MASP1: variants seen among roughly 807,000 people sequenced by gnomAD.
The protein encoded by MASP1 is MBL associated serine protease 1.
A neutral mutation model predicts 77.1 loss-of-function variants in MASP1; 59 were observed. The ratio of observed to expected loss-of-function variants is 0.77; its 90% confidence interval spans 0.62 to 0.95. The LOEUF (loss-of-function observed/expected upper bound fraction) is 0.95. Among genes scored for constraint, MASP1 ranks in the 40% least tolerant of loss-of-function variants. MASP1 has a pLI of 0.00. For missense variants in MASP1, 885 were observed against 912.9 expected, an observed-to-expected ratio of 0.97 and a Z score of 0.39; for synonymous variants, 362 against 354.5, an observed-to-expected ratio of 1.02 and a Z score of -0.24.
At chr3:187,273,440 A>G (rs1351091504) in intron 2 of MASP1, among the ~76,000 whole-genome samples, 1 of 152,206 alleles carries the variant, frequency 6.6e-6, no homozygotes, top group African/African-American at 2.4e-5. Flanking sequence ...TTCTGTCCAC[A>G]AGAAGATGGC....
intron 10 of MASP1, among the ~76,000 whole-genome samples, chr3:187,239,428 G>T (rs921066930): frequency 2.0e-5 from 3 of 152,192 alleles, no homozygotes; most frequent in African/African-American, 7.2e-5. Flanking sequence ...CAGACCCAGA[G>T]ATATGAAAAT....
At chr3:187,268,379 CT>C (rs1267906165) in intron 2 of MASP1, among the ~76,000 whole-genome samples, 1 of 151,730 alleles carries the variant, frequency 6.6e-6, no homozygotes, top group Non-Finnish European at 1.5e-5. Flanking sequence ...CCCAGCTACC[CT>C]GGAGGCTGGG....
chr3:187,281,817 TTGGAGAGGGATG>T (rs1039555460), intron 2 of MASP1, among the ~76,000 whole-genome samples: 9 of 152,152 alleles, frequency 5.9e-5, no homozygotes, highest in African/African-American at 2.2e-4. Context: ...AAACAGAATT[TTGGAGAGGGATG>T]TGGATTTACC....
chr3:187,224,405 GGCGGGA>G (rs1249837738), intron 13 of MASP1, among the ~76,000 whole-genome samples: 4 of 144,334 alleles, frequency 2.8e-5, no homozygotes, highest in African/African-American at 7.8e-5. Flanking sequence ...GGAGTGCAGT[GGCGGGA>G]TCTCGGCTCA....
At chr3:187,226,566 T>A in intron 11 of MASP1, 1 of 1,336,022 alleles carries the variant, frequency 7.5e-7, no homozygotes, top group Non-Finnish European at 1.1e-6. Context: ...TACTGGGTCT[T>A]GCCTCCCTCT....
intron 4 of MASP1, among the ~76,000 whole-genome samples, chr3:187,257,381 AT>A (rs2108553630): frequency 1.3e-5 from 2 of 151,980 alleles, no homozygotes; most frequent in East Asian, 3.9e-4. Context: ...ATTTTATTTT[AT>A]TTTATTGAGA....
chr3:187,224,341 T>C (rs1024836602), intron 13 of MASP1, among the ~76,000 whole-genome samples: 1 of 92,550 alleles, frequency 1.1e-5, no homozygotes, highest in Admixed American at 1.1e-4. Flanking sequence ...GTGCTGAGTA[T>C]TTTTTTTTTT....
At chr3:187,220,471 T>C (rs1248615295) in intron 15 of MASP1, among the ~76,000 whole-genome samples, 1 of 151,436 alleles carries the variant, frequency 6.6e-6, no homozygotes, top group East Asian at 1.9e-4. Flanking sequence ...CTTTCTTTCT[T>C]TTCTTTTCTT....
At position 187,236,002 on chromosome 3, in the gene MASP1, G is replaced by A. The variant is rs775726494; in HGVS notation, c.1869C>T (p.Pro623=). The stretch of plus-strand genomic sequence containing the variant: ...TTTTGCACTCAGCGTGAGGCACCAC[G>A]GGTAACTTGACATACTGCAGGACAT... The part of the protein sequence containing the change: ...LSDVLQYVKL[P]VVPHAECKTS... Residue 623 remains proline, a synonymous_variant, in exon 11 of 11, where the codon CCC becomes CCT. Transcript: ENST00000296280. 197 of 1,614,092 alleles carry A rather than the reference G, an allele frequency of 1.2e-4. No homozygotes were observed. Among genetic ancestry groups the A allele is most frequent in the Non-Finnish European group, 1.6e-4 (185 of 1,180,054 alleles).
chr3:187,239,307 C>T (rs534627482), intron 10 of MASP1, among the ~76,000 whole-genome samples: 9 of 152,090 alleles, frequency 5.9e-5, no homozygotes, highest in South Asian at 2.1e-4. Context: ...GAGCTGAGAT[C>T]GCACCATTGC....
At position 187,234,427 on chromosome 3, in the gene MASP1, G is replaced by C; in HGVS notation, c.*1257C>G. ...CTCCAGCTAGAAGGAACCTGCAGGG[G>C]ACCTTATGCCAGCCTGTTGCTGACG... On this transcript the variant is annotated 3_prime_UTR_variant, in exon 11 of 11. Transcript: ENST00000296280. The C allele has an allele frequency of 7.8e-7, 1 of 1,285,970 alleles. No individual in the cohort carries two copies. The highest frequency in any genetic ancestry group is 3.3e-4 in the Middle Eastern group (1 of 3,060). 79.7% of individuals were successfully genotyped at this position (1,285,970 alleles called of 1,614,324 possible).
intron 2 of MASP1, among the ~76,000 whole-genome samples, chr3:187,279,321 A>G (rs1328272101): frequency 6.6e-6 from 1 of 152,236 alleles, no homozygotes; most frequent in African/African-American, 2.4e-5. Context: ...CCTACCCACA[A>G]GGCCACCTCT....
rs1713002665 is a variant in MASP1 at position 187,234,783 on chromosome 3, A to G, written c.*901T>C. The G allele has an allele frequency of 1.6e-6, 2 of 1,287,122 alleles. No individual in the cohort carries two copies. Among genetic ancestry groups the G allele is most frequent in the Non-Finnish European group, 2.0e-6 (2 of 988,700 alleles). 79.7% of individuals were successfully genotyped at this position (1,287,122 alleles called of 1,614,324 possible). On this transcript the variant is annotated 3_prime_UTR_variant, in exon 11 of 11. Transcript: ENST00000296280. The stretch of plus-strand genomic sequence containing the variant: ...GGTCTTTTCTTTTTCCAGGTAATCG[A>G]CTAAGTCCCCATATTCGGGCCTGGG...
At chr3:187,230,706 A>T (rs1420249520), downstream of MASP1, among the ~76,000 whole-genome samples, 1 of 152,196 alleles carries the variant, frequency 6.6e-6, no homozygotes, top group East Asian at 1.9e-4. Context: ...TTTACAACTG[A>T]ATAGCCCTCG....
At chr3:187,268,997 G>A (rs868185372) in intron 2 of MASP1, among the ~76,000 whole-genome samples, 12 of 151,694 alleles carry the variant, frequency 7.9e-5, no homozygotes, top group South Asian at 2.1e-4. Flanking sequence ...CCTGGGAGGC[G>A]GAGGTTGCAG....
chr3:187,253,314 A>T lies in MASP1; in HGVS notation c.746T>A (p.Ile249Asn). Reference protein sequence around the residue: ...EVPCPYDYIKIKVGPKVLGPF... With the variant: ...EVPCPYDYIKNKVGPKVLGPF... ...CCCCAAAACTTTTGGACCAACTTTGATCTGCAAAATATGAGAGAGAGAGAG... is the reference window on the plus strand; with the variant it reads ...CCCCAAAACTTTTGGACCAACTTTGTTCTGCAAAATATGAGAGAGAGAGAG... The change falls in exon 6 of 11, where the codon ATC becomes AAC. Residue 249 changes from isoleucine to asparagine, a missense_variant and splice_region_variant. By Grantham distance (149) the Ile-to-Asn change is moderately radical (BLOSUM62 -3). Transcript: ENST00000296280. 6.2e-7 allele frequency: 1 copy of T among 1,614,048 alleles called. No individual in the cohort carries two copies.
chr3:187,290,314 A>G (rs1718206429), intron 1 of MASP1, among the ~76,000 whole-genome samples: 2 of 152,314 alleles, frequency 1.3e-5, no homozygotes, highest in East Asian at 1.9e-4. Flanking sequence ...GGTGGAAAAT[A>G]AAGAAGAAGG....
In MASP1 at chr3:187,253,287, G is replaced by T. The variant is rs771300183; in HGVS notation, c.773C>A (p.Pro258His). The T allele has an allele frequency of 2.5e-6, 4 of 1,614,150 alleles. No individual in the cohort carries two copies. The South Asian group carries it at 3.3e-5, about 13-fold the overall frequency. Residue 258 changes from proline to histidine, a missense_variant, in exon 6 of 11, where the codon CCT becomes CAT. Physicochemically the swap from Pro to His is moderately conservative, Grantham distance 77. Coordinates refer to ENST00000296280, the MANE Select transcript of MASP1 (RefSeq NM_139125.4). ...KIKVGPKVLG[P>H]FCGEKAPEPI... The stretch of plus-strand genomic sequence containing the variant: ...TTCTGGGGCTTTCTCTCCACAGAAA[G>T]GCCCCAAAACTTTTGGACCAACTTT...
chr3:187,235,906 G>T lies in MASP1; in HGVS notation c.1965C>A (p.Gly655=), dbSNP rs150583270. The T allele has an allele frequency of 4.3e-6, 7 of 1,614,202 alleles. No homozygotes were observed. The highest frequency in any genetic ancestry group is 5.1e-6 in the Non-Finnish European group (6 of 1,180,038). The change falls in exon 11 of 11, where the codon GGC becomes GGA. Residue 655 remains glycine (G), a synonymous_variant. Coordinates refer to ENST00000296280, the MANE Select transcript of MASP1 (RefSeq NM_139125.4). Reference sequence around the variant, plus strand: ...TATCTCCAAGGCACGTGTCTTTGCCGCCCTCGTAGTAGCCAGCACAGAACA... The same window carrying T: ...TATCTCCAAGGCACGTGTCTTTGCCTCCCTCGTAGTAGCCAGCACAGAACA... The part of the protein sequence containing the change: ...ENMFCAGYYE[G]GKDTCLGDSG...
Sources: gnomAD v4.1 joint callset for allele counts (sites outside exome capture counted in the v4.1 genomes callset) on GRCh38, gnomAD v4.1.1 for gene constraint, MANE v1.5 for transcripts, NCBI Gene and HGNC (gene_info 2026-07-23, HGNC 2026-07-21) for gene names.